STK24: variants seen among roughly 807,000 people sequenced by gnomAD.
The protein encoded by STK24 is serine/threonine-protein kinase 24.
A neutral mutation model predicts 55.6 loss-of-function variants in STK24; 21 were observed. The observed-to-expected ratio is 0.38, with a 90% CI of 0.27 to 0.54. STK24 has a LOEUF of 0.54. STK24 is among the 20% of genes least tolerant of loss of function. The pLI is 0.79. For synonymous variants in STK24, 200 were observed against 215.2 expected (o/e 0.93, Z 0.62); for missense variants, 383 against 538.4 (o/e 0.71, Z 2.86).
In STK24 at chr13:98,485,156, G is replaced by A. The variant is rs72655614; in HGVS notation, c.274-2835C>T. Among the ~76,000 whole-genome samples the A allele has an allele frequency of 1.6e-3, 249 of 152,314 alleles. 2 individuals are homozygous for A. The highest frequency in any genetic ancestry group is 3.0e-3 in the Admixed American group (46 of 15,294). On this transcript the variant is annotated intron_variant, in intron 2 of 10. Coordinates refer to ENST00000539966, the MANE Select transcript of STK24 (RefSeq NM_001032296.4). Reference sequence around the variant, plus strand: ...CCTTGCCCGCTGCCTAGACAGAGCCGACTCATCAAGACAGGGGAACTGCAG... The same window carrying A: ...CCTTGCCCGCTGCCTAGACAGAGCCAACTCATCAAGACAGGGGAACTGCAG...
intron 1 of STK24, among the ~76,000 whole-genome samples, chr13:98,545,002 A>G (rs1172218310): frequency 6.6e-6 from 1 of 152,238 alleles, no homozygotes; most frequent in African/African-American, 2.4e-5. Flanking sequence ...GAAAATAAGC[A>G]AAAGGCAAAA....
chr13:98,514,042 C>T (rs1895972724), intron 2 of STK24, among the ~76,000 whole-genome samples: 1 of 152,214 alleles, frequency 6.6e-6, no homozygotes, highest in Non-Finnish European at 1.5e-5. Flanking sequence ...TGTAGCTAGA[C>T]TGGTATTTCT....
Position 98,450,838 on chromosome 13 carries a change from A to T in STK24, c.*2335T>A, listed in dbSNP as rs1176181576. The T allele has an allele frequency of 6.6e-6, 1 of 152,272 alleles. No homozygotes were observed. The highest frequency in any genetic ancestry group is 1.5e-5 in the Non-Finnish European group (1 of 68,064). The allele number at this position is 152,272 out of a possible 1,614,324, so 9.4% of individuals were successfully genotyped here. On this transcript the variant is annotated 3_prime_UTR_variant, in exon 11 of 11. Transcript: ENST00000539966. ...ACAAAAGCCAGCTTCCTTGGCTAAG[A>T]TGCCCTTAAAAACATTGGGGCTGAT...
At chr13:98,524,624 C>T (rs1050546767) in intron 1 of STK24, among the ~76,000 whole-genome samples, 1 of 152,206 alleles carries the variant, frequency 6.6e-6, no homozygotes, top group Non-Finnish European at 1.5e-5. Flanking sequence ...AATGCTAAAT[C>T]GTTATTGTTT....
chr13:98,465,780 C>T (rs1185571145), intron 6 of STK24, among the ~76,000 whole-genome samples: 1 of 152,230 alleles, frequency 6.6e-6, no homozygotes, highest in Admixed American at 6.5e-5. Flanking sequence ...CTACCTCCAA[C>T]ACCAACACAC....
chr13:98,539,455 TAG>T (rs1315101130), intron 1 of STK24, among the ~76,000 whole-genome samples: 1 of 137,672 alleles, frequency 7.3e-6, no homozygotes, highest in African/African-American at 2.7e-5. Flanking sequence ...AAAATAATGC[TAG>T]ATTTTAAAAC....
intron 1 of STK24, among the ~76,000 whole-genome samples, chr13:98,535,366 A>AT (rs1410706895): frequency 3.0e-4 from 12 of 39,422 alleles, no homozygotes; most frequent in Middle Eastern, 8.8e-3. Context: ...ACAAACAAAA[A>AT]AAAAATATAT....
intron 1 of STK24, among the ~76,000 whole-genome samples, chr13:98,523,560 C>T (rs960448253): frequency 5.9e-5 from 9 of 152,106 alleles, no homozygotes; most frequent in African/African-American, 1.7e-4. Flanking sequence ...TCCAGAGGGA[C>T]GTGACCATGA....
chr13:98,494,401 C>G (rs1895165697), intron 2 of STK24, among the ~76,000 whole-genome samples: 1 of 51,962 alleles, frequency 1.9e-5, no homozygotes, highest in Non-Finnish European at 4.4e-5. Context: ...GTGACAGAGC[C>G]AGACTCGTCT....
In STK24 at chr13:98,448,005, C is replaced by T; in HGVS notation, c.*5168G>A. 1.7e-6 allele frequency: 1 copy of T among 572,734 alleles called. No homozygotes were observed. The highest frequency in any genetic ancestry group is 3.1e-6 in the Non-Finnish European group (1 of 320,352). The allele number at this position is 572,734 out of a possible 1,614,324, so 35.5% of individuals were successfully genotyped here. On this transcript the variant is annotated 3_prime_UTR_variant, in exon 11 of 11. Transcript: ENST00000539966. ...ACTGCTCCAATGGAGCGGGCAGTGT[C>T]ACTGCAGCAAGGTACTTCCAGCTCC...
Position 98,448,403 on chromosome 13 carries a change from C to A in STK24, c.*4770G>T. ...TATTAATGAAGCCTGGTAAAATTAA[C>A]ACCTGTCTGAAAATCAAAAACATGG... On this transcript the variant is annotated 3_prime_UTR_variant, in exon 11 of 11. Coordinates refer to ENST00000539966, the MANE Select transcript of STK24 (RefSeq NM_001032296.4). 9.1e-7 allele frequency: 1 copy of A among 1,098,210 alleles called. No homozygotes were observed. The highest frequency in any genetic ancestry group is 1.4e-6 in the Non-Finnish European group (1 of 717,310). The allele number at this position is 1,098,210 out of a possible 1,614,324, so 68.0% of individuals were successfully genotyped here. A position where few individuals can be genotyped will look rare whatever the true frequency, so the allele number is the denominator to read the frequency against.
chr13:98,479,748 G>A (rs1030685181), intron 3 of STK24, among the ~76,000 whole-genome samples: 4 of 152,148 alleles, frequency 2.6e-5, no homozygotes, highest in African/African-American at 9.7e-5. Context: ...GAGGGGGCCC[G>A]GTGCTGTGGA....
At chr13:98,520,845 G>A (rs538887304) in intron 1 of STK24, among the ~76,000 whole-genome samples, 66 of 152,348 alleles carry the variant, frequency 4.3e-4, no homozygotes, top group African/African-American at 1.4e-3. Flanking sequence ...AATGACACAC[G>A]AGCAGATAGC....
Position 98,484,985 on chromosome 13 carries a change from A to C in STK24, c.274-2664T>G, listed in dbSNP as rs117013034. Among the ~76,000 whole-genome samples, 112 of 152,324 alleles carry C rather than the reference A, an allele frequency of 7.4e-4. 2 individuals are homozygous for C. In the East Asian group the frequency reaches 0.019, roughly 26 times the overall value. ...ACCAGCTCAAGTCCTTATTGAGGTC[A>C]CTGCGTCTCAAATACCCGGGCTGGG... is the stretch of plus-strand genomic sequence containing the variant. On this transcript the variant is annotated intron_variant, in intron 2 of 10. Coordinates refer to ENST00000539966, the MANE Select transcript of STK24 (RefSeq NM_001032296.4).
intron 1 of STK24, among the ~76,000 whole-genome samples, chr13:98,527,712 C>G (rs1185625712): frequency 6.6e-6 from 1 of 152,160 alleles, no homozygotes; most frequent in Non-Finnish European, 1.5e-5. Context: ...GGACCAGGAC[C>G]GGGTGAGCCA....
chr13:98,490,001 A>C (rs1162399934), intron 2 of STK24, among the ~76,000 whole-genome samples: 1 of 152,216 alleles, frequency 6.6e-6, no homozygotes, highest in African/African-American at 2.4e-5. Context: ...AGTGGCACTG[A>C]TGAGCACCCA....
intron 2 of STK24, among the ~76,000 whole-genome samples, chr13:98,507,073 C>A (rs1895709305): frequency 6.6e-6 from 1 of 152,236 alleles, no homozygotes; most frequent in South Asian, 2.1e-4. Context: ...GCGGGAGAGC[C>A]AGCGAGGATG....
intron 3 of STK24, among the ~76,000 whole-genome samples, chr13:98,478,701 AT>A (rs1203299400): frequency 6.6e-6 from 1 of 152,200 alleles, no homozygotes; most frequent in Non-Finnish European, 1.5e-5. Context: ...TCGTGTACTC[AT>A]TTTTTAAGTC....
At chr13:98,535,324 C>T (rs897991313) in intron 1 of STK24, among the ~76,000 whole-genome samples, 3 of 128,254 alleles carry the variant, frequency 2.3e-5, no homozygotes, top group African/African-American at 9.0e-5. Flanking sequence ...GCAACAAGAG[C>T]GAAACTCTGT....
Sources: allele counts gnomAD v4.1 joint callset (sites outside exome capture counted in the v4.1 genomes callset), GRCh38; gene constraint gnomAD v4.1.1; transcripts MANE v1.5; gene names NCBI Gene and HGNC (gene_info 2026-07-23, HGNC 2026-07-21).